The following SLC43A2 variants were observed in gnomAD, a reference collection of about 807,000 sequenced individuals.
SLC43A2 encodes large neutral amino acids transporter small subunit 4.
A neutral mutation model predicts 63.2 loss-of-function variants in SLC43A2; 38 were observed. That is an observed-to-expected ratio of 0.60 (90% CI 0.46 to 0.79). SLC43A2 has a LOEUF of 0.79. SLC43A2 is among the 30% of genes least tolerant of loss of function. The pLI is 0.00. For missense variants in SLC43A2, 644 were observed against 756.2 expected (o/e 0.85, Z 1.74); for synonymous variants, 322 against 331.0 (o/e 0.97, Z 0.30).
At chr17:1,608,851 C>T (rs1906850460) in intron 5 of SLC43A2, among the ~76,000 whole-genome samples, 1 of 152,074 alleles carries the variant, frequency 6.6e-6, no homozygotes, top group Admixed American at 6.6e-5. Flanking sequence ...TACTCATGGA[C>T]CATGTAGAGA....
intron 10 of SLC43A2, chr17:1,585,205 G>A: frequency 1.0e-6 from 1 of 994,546 alleles, no homozygotes; most frequent in South Asian, 4.4e-5. Flanking sequence ...ACTTTCACCT[G>A]TGTCTCTTTT....
In SLC43A2 at chr17:1,627,625, G is replaced by A. The variant is rs561744243; in HGVS notation, c.160+90C>T. 137 of 976,196 alleles carry A rather than the reference G, an allele frequency of 1.4e-4. No individual in the cohort carries two copies. The African/African-American group carries it at 2.1e-3, about 15-fold the overall frequency. 60.5% of individuals were successfully genotyped at this position (976,196 alleles called of 1,614,324 possible). On this transcript the variant is annotated intron_variant, in intron 2 of 13. Transcript: ENST00000301335. ...CCCTAGAGGCACTGGGCAATGCGGT[G>A]CTGTGGCTCGCTAGGTCTTCGCCCC...
intron 2 of SLC43A2, among the ~76,000 whole-genome samples, chr17:1,620,858 A>G (rs998734845): frequency 3.3e-5 from 5 of 151,990 alleles, no homozygotes; most frequent in Admixed American, 6.6e-5. Flanking sequence ...CAGATTAAGC[A>G]CCCAGGAAGT....
intron 1 of SLC43A2, among the ~76,000 whole-genome samples, chr17:1,628,593 C>T (rs1045519671): frequency 6.6e-6 from 1 of 152,204 alleles, no homozygotes; most frequent in African/African-American, 2.4e-5. Context: ...GGCGTTCCCC[C>T]GGCAACTCGC....
chr17:1,579,812 G>A (rs918358912), intron 11 of SLC43A2, among the ~76,000 whole-genome samples: 1 of 152,114 alleles, frequency 6.6e-6, no homozygotes, highest in South Asian at 2.1e-4. Flanking sequence ...ACTCGAGCCT[G>A]GCTGATGGGA....
At chr17:1,624,711 C>T (rs1269906262) in intron 2 of SLC43A2, among the ~76,000 whole-genome samples, 2 of 151,996 alleles carry the variant, frequency 1.3e-5, no homozygotes, top group Admixed American at 6.6e-5. Flanking sequence ...GGCAACATGG[C>T]GAGACCCTGT....
At position 1,601,905 on chromosome 17, in the gene SLC43A2, T is replaced by C. The variant is rs550030202; in HGVS notation, c.502-8626A>G. Among the ~76,000 whole-genome samples, 90 of 124,128 alleles carry C rather than the reference T, an allele frequency of 7.3e-4. 1 individual carries two copies. Among genetic ancestry groups the C allele is most frequent in the Middle Eastern group, 7.2e-3 (1 of 138 alleles). The allele number at this position is 124,128 out of a possible 152,430, so 81.4% of individuals were successfully genotyped here. On this transcript the variant is annotated intron_variant, in intron 5 of 13. Transcript: ENST00000301335. ...ATGCAAAGGTGCTACTGAGCCAGAG[T>C]CCTTCTGCACCGAGACTACCCCAGG...
rs765890381 is a variant in SLC43A2 at position 1,586,199 on chromosome 17, C to A, written c.1079-148G>T. The A allele has an allele frequency of 2.4e-6, 3 of 1,269,876 alleles. No homozygotes were observed. In the Admixed American group the frequency reaches 8.7e-5, roughly 37 times the overall value. 78.7% of individuals were successfully genotyped at this position (1,269,876 alleles called of 1,614,324 possible). A position where few individuals can be genotyped will look rare whatever the true frequency, so the allele number is the denominator to read the frequency against. On this transcript the variant is annotated intron_variant, in intron 9 of 13. Transcript: ENST00000301335. ...GTCACTATGGGTCTTGCGAGGAGCC[C>A]GGAGACCTTAACTCTGAAGTTGAGG...
Position 1,591,658 on chromosome 17 carries a change from C to T in SLC43A2, c.636G>A (p.Val212=), listed in dbSNP as rs372278376. ...CCAGCCCGGAGCAGCCGGCCCAGAC[C>T]ACGAGGACGACGATGAAGGAGACAC... is the stretch of plus-strand genomic sequence containing the variant. ...DAGVSFIVVL[V]VWAGCSGLVF... Residue 212 remains valine (V), a synonymous_variant, in exon 7 of 14, where the codon GTG becomes GTA. Coordinates refer to ENST00000301335, the MANE Select transcript of SLC43A2 (RefSeq NM_152346.3). The T allele has an allele frequency of 6.2e-4, 961 of 1,546,220 alleles. No homozygotes were observed. The highest frequency in any genetic ancestry group is 7.4e-4 in the Non-Finnish European group (852 of 1,146,434).
intron 5 of SLC43A2, among the ~76,000 whole-genome samples, chr17:1,594,278 G>C (rs11658414): frequency 0.23 from 34,522 of 152,112 alleles, 4,536 homozygotes; most frequent in Non-Finnish European, 0.31. Context: ...GCTCATTCTG[G>C]GTACAGGGCA....
At chr17:1,588,912 C>T (rs1392031031) in intron 9 of SLC43A2, among the ~76,000 whole-genome samples, 4 of 152,198 alleles carry the variant, frequency 2.6e-5, no homozygotes, top group African/African-American at 7.2e-5. Flanking sequence ...TACGCGGAGG[C>T]GATGGCTCTG....
At chr17:1,596,391 G>A (rs527721146) in intron 5 of SLC43A2, among the ~76,000 whole-genome samples, 4 of 151,546 alleles carry the variant, frequency 2.6e-5, no homozygotes, top group African/African-American at 7.3e-5. Context: ...TGGAAGGCTG[G>A]GGCAGCGGGA....
chr17:1,608,095 G>T (rs942635966), intron 5 of SLC43A2, among the ~76,000 whole-genome samples: 3 of 152,138 alleles, frequency 2.0e-5, no homozygotes, highest in African/African-American at 7.2e-5. Context: ...TACCACAAAA[G>T]CAGCCACAGA....
chr17:1,582,167 C>A (rs1421512632), intron 11 of SLC43A2, among the ~76,000 whole-genome samples: 1 of 151,802 alleles, frequency 6.6e-6, no homozygotes, highest in Non-Finnish European at 1.5e-5. Context: ...GCAACCTCCG[C>A]CTCCCAGGTT....
rs1160737648 is a variant in SLC43A2 at position 1,606,832 on chromosome 17, GC to G, written c.501+6362del. Among the ~76,000 whole-genome samples the G allele has an allele frequency of 6.6e-6, 1 of 152,246 alleles. No homozygotes were observed. The highest frequency in any genetic ancestry group is 2.4e-5 in the African/African-American group (1 of 41,470). On this transcript the variant is annotated intron_variant, in intron 5 of 13. Transcript: ENST00000301335. The surrounding 1 kb of genome is among the most constrained non-coding windows in gnomAD (Gnocchi z 4.7). ...GATGGCCCAGGCCCTGTGCTGCAGG[GC>G]CCTGGGAGAGCCAGCACTGGCTACT...
chr17:1,590,815 G>A lies in SLC43A2; in HGVS notation c.1065C>T (p.Gly355=), dbSNP rs754845970. ...CGGGGCACCTACCTGTCTTCTGGTC[G>A]CCGCTGACCAGGAACTTGAGGATGT... ...MNNILKFLVS[G]DQKTVGLYTS... is the part of the protein sequence containing the mutation. Residue 355 remains glycine, a synonymous_variant, in exon 9 of 14, where the codon GGC becomes GGT. Coordinates refer to ENST00000301335, the MANE Select transcript of SLC43A2 (RefSeq NM_152346.3). 7.8e-5 allele frequency: 121 copies of A among 1,554,990 alleles called. 1 individual carries two copies. In the South Asian group the frequency reaches 9.3e-4, roughly 12 times the overall value.
chr17:1,597,027 G>A (rs1326828667), intron 5 of SLC43A2, among the ~76,000 whole-genome samples: 1 of 151,522 alleles, frequency 6.6e-6, no homozygotes, highest in East Asian at 1.9e-4. Context: ...CCAGCCTAGG[G>A]AACATAGTGA....
intron 2 of SLC43A2, 137 bp from the exon 3 acceptor site, chr17:1,616,906 A>AC: frequency 1.1e-6 from 1 of 924,884 alleles, no homozygotes; most frequent in East Asian, 2.6e-5. Context: ...GGCTCAGGCT[A>AC]CCCCGCAGCA....
At chr17:1,576,043 C>T (rs963298625) in intron 13 of SLC43A2, among the ~76,000 whole-genome samples, 2 of 149,338 alleles carry the variant, frequency 1.3e-5, no homozygotes, top group African/African-American at 2.5e-5. Context: ...ATCTGGCCCT[C>T]GGAGGTGGGG....
Sources: gnomAD v4.1 joint callset for allele counts (sites outside exome capture counted in the v4.1 genomes callset) on GRCh38, gnomAD v4.1.1 for gene constraint, Gnocchi (gnomAD v3.1) non-coding constraint, MANE v1.5 for transcripts, NCBI Gene and HGNC (gene_info 2026-07-23, HGNC 2026-07-21) for gene names.